The following CDC14A variants were observed in gnomAD, a reference collection of about 807,000 sequenced individuals.
The protein encoded by CDC14A is cell division cycle 14A, also known as dual specificity protein phosphatase CDC14A.
A neutral mutation model predicts 74.4 loss-of-function variants in CDC14A; 53 were observed. The observed-to-expected ratio is 0.71, with a 90% CI of 0.57 to 0.89. The LOEUF (loss-of-function observed/expected upper bound fraction) is 0.89, where lower values mean the gene tolerates loss of function less well. Among genes scored for constraint, CDC14A ranks in the 40% least tolerant of loss-of-function variants. CDC14A has a pLI of 0.00. For missense variants in CDC14A, 646 were observed against 713.7 expected (o/e 0.91, Z 1.08); for synonymous variants, 247 against 258.4 (o/e 0.96, Z 0.43).
intron 5 of CDC14A, among the ~76,000 whole-genome samples, chr1:100,437,773 T>C (rs1664504411): frequency 6.6e-6 from 1 of 152,176 alleles, no homozygotes; most frequent in Admixed American, 6.5e-5. Flanking sequence ...CCTGGAACTT[T>C]TTCTGGTAGC....
intron 5 of CDC14A, among the ~76,000 whole-genome samples, chr1:100,428,234 TG>T (rs1414893543): frequency 1.3e-5 from 2 of 152,218 alleles, no homozygotes; most frequent in Admixed American, 1.3e-4. Context: ...TTCTGGCTTG[TG>T]TGACAGCAGT....
intron 10 of CDC14A, among the ~76,000 whole-genome samples, chr1:100,483,781 T>A (rs978634889): frequency 6.6e-6 from 1 of 152,162 alleles, no homozygotes; most frequent in Non-Finnish European, 1.5e-5. Context: ...GCTTTTAGAT[T>A]CTAAGAGTAG....
chr1:100,351,604 A>C (rs905964921), upstream of CDC14A: 15 of 654,080 alleles, frequency 2.3e-5, no homozygotes, highest in Non-Finnish European at 2.9e-5. Flanking sequence ...GGACCAGTGG[A>C]CTCTCCTCTC....
At chr1:100,472,935 C>T (rs1451482986) in intron 10 of CDC14A, among the ~76,000 whole-genome samples, 8 of 152,052 alleles carry the variant, frequency 5.3e-5, no homozygotes, top group Admixed American at 4.6e-4. Context: ...GTGTCTCCTT[C>T]CTTCAATGCC....
At position 100,352,596 on chromosome 1, in the gene CDC14A, C is replaced by T. The variant is rs1435047900; in HGVS notation, c.-359C>T. The stretch of plus-strand genomic sequence containing the variant: ...GATCGGGACCAGAAGTCTCCTCCTC[C>T]ATGATCACTTTGGAAGCCGGGGGAA... On this transcript the variant is annotated 5_prime_UTR_variant, in exon 1 of 16. Transcript: ENST00000336454. 1.8e-6 allele frequency: 2 copies of T among 1,125,734 alleles called. No individual in the cohort carries two copies. Among genetic ancestry groups the T allele is most frequent in the Non-Finnish European group, 2.2e-6 (2 of 918,016 alleles). The allele number at this position is 1,125,734 out of a possible 1,614,324, so 69.7% of individuals were successfully genotyped here.
upstream of CDC14A, chr1:100,351,677 C>G: frequency 6.9e-7 from 1 of 1,441,028 alleles, no homozygotes; most frequent in South Asian, 1.2e-5. Flanking sequence ...CCTCCGGGAC[C>G]GGAGCACTGT....
At chr1:100,399,404 C>A (rs1647071929) in intron 4 of CDC14A, among the ~76,000 whole-genome samples, 1 of 151,874 alleles carries the variant, frequency 6.6e-6, no homozygotes, top group Non-Finnish European at 1.5e-5. Context: ...TTTTAAATTT[C>A]AGAGTTTTTA....
At chr1:100,384,951 A>G (rs953940097) in intron 3 of CDC14A, among the ~76,000 whole-genome samples, 1 of 152,224 alleles carries the variant, frequency 6.6e-6, no homozygotes, top group African/African-American at 2.4e-5. Context: ...AACTTCTGGA[A>G]TAATGACATT....
intron 2 of CDC14A, among the ~76,000 whole-genome samples, chr1:100,367,289 A>T (rs1653766838): frequency 6.6e-6 from 1 of 152,156 alleles, no homozygotes; most frequent in South Asian, 2.1e-4. Context: ...ATTGATTATC[A>T]ATTAATTTTT....
chr1:100,504,701 T>C, intron 15 of CDC14A: 1 of 766,786 alleles, frequency 1.3e-6, no homozygotes, highest in Non-Finnish European at 2.2e-6. Context: ...TGCTAGAACA[T>C]AAATACTGAC....
chr1:100,396,146 A>G (rs1658444286), intron 4 of CDC14A, among the ~76,000 whole-genome samples: 1 of 152,226 alleles, frequency 6.6e-6, no homozygotes, highest in Non-Finnish European at 1.5e-5. Context: ...AAAATATTTA[A>G]CAAGGGGTTA....
intron 2 of CDC14A, among the ~76,000 whole-genome samples, chr1:100,375,055 C>T (rs533960523): frequency 3.4e-4 from 51 of 152,158 alleles, no homozygotes; most frequent in African/African-American, 6.5e-4. Flanking sequence ...ATGACTCAGA[C>T]GGTAAGTTTT....
At chr1:100,446,766 A>G (rs1665585804) in intron 7 of CDC14A, among the ~76,000 whole-genome samples, 2 of 152,038 alleles carry the variant, frequency 1.3e-5, no homozygotes, top group Non-Finnish European at 1.5e-5. Flanking sequence ...GGTGCAACCT[A>G]GGCTCACTGT....
intron 4 of CDC14A, among the ~76,000 whole-genome samples, chr1:100,420,031 T>TACATATATATATACATATAC (rs1553180433): frequency 1.2e-5 from 1 of 82,880 alleles, no homozygotes; most frequent in Admixed American, 1.4e-4. Context: ...TATACATATA[T>TACATATATATATACATATAC]ACACACACAC....
At chr1:100,422,882 A>G (rs1662527835) in intron 4 of CDC14A, among the ~76,000 whole-genome samples, 1 of 152,194 alleles carries the variant, frequency 6.6e-6, no homozygotes, top group Non-Finnish European at 1.5e-5. Flanking sequence ...ATTCCTAGTG[A>G]AATAGCTTAA....
chr1:100,418,721 C>T (rs1200157421), intron 4 of CDC14A, among the ~76,000 whole-genome samples: 3 of 152,116 alleles, frequency 2.0e-5, no homozygotes, highest in South Asian at 2.1e-4. Flanking sequence ...TAGTTCACTG[C>T]GGAACTAATG....
At position 100,456,854 on chromosome 1, in the gene CDC14A, A is replaced by G. The variant is rs12092519; in HGVS notation, c.607+1362A>G. On this transcript the variant is annotated intron_variant, in intron 8 of 15. Transcript: ENST00000336454. ...CAGGTCTAGAGAGTTAAGCTCACAA[A>G]CAGGATACCTCTATGGTGAAGTCAG... is the stretch of plus-strand genomic sequence containing the variant. 7.7e-3 allele frequency among the ~76,000 whole-genome samples: 1,167 copies of G among 152,314 alleles called. 23 individuals are homozygous for G. Among genetic ancestry groups the G allele is most frequent in the African/African-American group, 0.026 (1,089 of 41,562 alleles).
Position 100,484,338 on chromosome 1 carries a change from C to CGG in CDC14A, c.1024_1025insGG (p.Leu342ArgfsTer2), listed in dbSNP as rs1353862315. The CGG allele has an allele frequency of 1.2e-6, 2 of 1,603,184 alleles. No homozygotes were observed. Among genetic ancestry groups the CGG allele is most frequent in the Admixed American group, 3.4e-5 (2 of 58,600 alleles). ...CCAAGGAGACATTTTCCGATCCAAA[C>CGG]TGAAAAATCGACCATCCAGTGAAGG... is the stretch of plus-strand genomic sequence containing the variant. On this transcript the variant is annotated frameshift_variant, in exon 11 of 16. Coordinates refer to ENST00000336454, the MANE Select transcript of CDC14A (RefSeq NM_003672.4). LOFTEE classifies it high-confidence loss of function.
At chr1:100,426,591 A>G (rs568843520) in intron 5 of CDC14A, among the ~76,000 whole-genome samples, 2 of 152,300 alleles carry the variant, frequency 1.3e-5, no homozygotes, top group Non-Finnish European at 2.9e-5. Flanking sequence ...ATACATTAAC[A>G]TAGTTCAGAA....
Sources: gnomAD v4.1 joint callset for allele counts (sites outside exome capture counted in the v4.1 genomes callset) on GRCh38, gnomAD v4.1.1 for gene constraint, MANE v1.5 for transcripts, NCBI Gene and HGNC (gene_info 2026-07-23, HGNC 2026-07-21) for gene names.